Variants in GABRG3 observed in about 807,000 individuals in gnomAD.
GABRG3 encodes gamma-aminobutyric acid type A receptor subunit gamma3, also known as gamma-aminobutyric acid receptor subunit gamma-3.
Under a neutral mutation model 48.8 loss-of-function variants are expected in GABRG3, and 25 were observed. The ratio of observed to expected loss-of-function variants is 0.51; its 90% CI spans 0.37 to 0.72. The LOEUF (loss-of-function observed/expected upper bound fraction) is 0.72, where lower values mean the gene tolerates loss of function less well. GABRG3 is among the 30% of genes least tolerant of loss of function. GABRG3 has a pLI of 0.00. For missense variants in GABRG3, 394 were observed against 577.9 expected, an observed-to-expected ratio of 0.68 and a Z score of 3.26; for synonymous variants, 227 against 217.6, an observed-to-expected ratio of 1.04 and a Z score of -0.38.
intron 2 of GABRG3, among the ~76,000 whole-genome samples, chr15:27,009,759 A>G (rs913360677): frequency 1.3e-5 from 2 of 152,208 alleles, no homozygotes; most frequent in South Asian, 4.1e-4. Flanking sequence ...GTGATCACAC[A>G]TATGCCCCAG....
chr15:27,382,459 G>A (rs1895803634), intron 5 of GABRG3, among the ~76,000 whole-genome samples: 1 of 152,144 alleles, frequency 6.6e-6, no homozygotes, highest in African/African-American at 2.4e-5. Context: ...TTCTAAGGCA[G>A]AAAATACTCA....
chr15:27,392,034 T>TTAAAAATGA (rs1172423806), intron 5 of GABRG3, among the ~76,000 whole-genome samples: 1 of 152,232 alleles, frequency 6.6e-6, no homozygotes, highest in African/African-American at 2.4e-5. Flanking sequence ...TTTAAATTTT[T>TTAAAAATGA]TAAAAATGAT....
At chr15:27,173,926 A>C (rs1483034333) in intron 3 of GABRG3, among the ~76,000 whole-genome samples, 1 of 152,128 alleles carries the variant, frequency 6.6e-6, no homozygotes, top group Non-Finnish European at 1.5e-5. Flanking sequence ...TACAACATCA[A>C]AGAAAACAGT....
chr15:27,464,819 G>A (rs1889555165), intron 5 of GABRG3, among the ~76,000 whole-genome samples: 1 of 152,022 alleles, frequency 6.6e-6, no homozygotes, highest in African/African-American at 2.4e-5. Context: ...TCTTTGTATT[G>A]TTGACGTGTG....
chr15:27,008,207 A>G (rs968345206), intron 2 of GABRG3, among the ~76,000 whole-genome samples: 4 of 152,224 alleles, frequency 2.6e-5, no homozygotes, highest in African/African-American at 9.6e-5. Context: ...AGTGTTGAAA[A>G]TATGTAAGTA....
chr15:27,294,364 G>A (rs1891906428), intron 3 of GABRG3, among the ~76,000 whole-genome samples: 1 of 151,626 alleles, frequency 6.6e-6, no homozygotes, highest in African/African-American at 2.4e-5. Context: ...CCACAGGTGT[G>A]CACCACCACG....
At chr15:27,093,028 A>G (rs150005364) in intron 3 of GABRG3, among the ~76,000 whole-genome samples, 12 of 151,892 alleles carry the variant, frequency 7.9e-5, no homozygotes, top group Admixed American at 2.6e-4. Context: ...CAGTCACTGA[A>G]CCCTACCCCA....
intron 3 of GABRG3, among the ~76,000 whole-genome samples, chr15:27,170,002 GA>G (rs1356649377): frequency 6.6e-6 from 1 of 152,170 alleles, no homozygotes; most frequent in African/African-American, 2.4e-5. Context: ...ATAAAGGTCA[GA>G]TAAAGCTATT....
At chr15:27,003,429 C>G (rs369238463) in intron 2 of GABRG3, among the ~76,000 whole-genome samples, 28 of 151,068 alleles carry the variant, frequency 1.9e-4, no homozygotes, top group Middle Eastern at 3.4e-3. Flanking sequence ...TGACTCTTAA[C>G]GAGCATGCTG....
At chr15:27,444,485 T>C (rs1351406585) in intron 5 of GABRG3, among the ~76,000 whole-genome samples, 1 of 152,210 alleles carries the variant, frequency 6.6e-6, no homozygotes, top group Admixed American at 6.5e-5. Flanking sequence ...ATATATTTTT[T>C]ACCTTCACTG....
At chr15:27,514,213 G>C (rs1249908728) in intron 6 of GABRG3, among the ~76,000 whole-genome samples, 1 of 152,180 alleles carries the variant, frequency 6.6e-6, no homozygotes, top group Non-Finnish European at 1.5e-5. Flanking sequence ...TATTGTATTA[G>C]TTTTCCATTT....
At chr15:27,185,865 A>G (rs1297948201) in intron 3 of GABRG3, among the ~76,000 whole-genome samples, 1 of 152,070 alleles carries the variant, frequency 6.6e-6, no homozygotes, top group Non-Finnish European at 1.5e-5. Context: ...TTTTCTTAAA[A>G]TTAATTTTAT....
At chr15:27,483,136 G>A (rs913949173) in intron 6 of GABRG3, 1 of 152,170 alleles carries the variant, frequency 6.6e-6, no homozygotes, top group African/African-American at 2.4e-5. Context: ...CCAACTGTGT[G>A]GCTCAAACAA....
At chr15:27,281,741 T>C (rs1891441050) in intron 3 of GABRG3, among the ~76,000 whole-genome samples, 1 of 151,860 alleles carries the variant, frequency 6.6e-6, no homozygotes, top group Non-Finnish European at 1.5e-5. Context: ...ATACATAGGG[T>C]AATACAGCAG....
At chr15:27,290,529 C>G (rs1019375193) in intron 3 of GABRG3, among the ~76,000 whole-genome samples, 12 of 152,222 alleles carry the variant, frequency 7.9e-5, no homozygotes, top group African/African-American at 2.6e-4. Context: ...TGCTATGATA[C>G]GATGAGAGCA....
At chr15:27,156,635 G>C (rs1039770913) in intron 3 of GABRG3, among the ~76,000 whole-genome samples, 1 of 152,288 alleles carries the variant, frequency 6.6e-6, no homozygotes. Context: ...AGACAAGTAT[G>C]TCTCTTCCAT....
chr15:27,358,850 T>C (rs1009998809), intron 5 of GABRG3, among the ~76,000 whole-genome samples: 1 of 152,226 alleles, frequency 6.6e-6, no homozygotes, highest in African/African-American at 2.4e-5. Context: ...CTGTGTGCTC[T>C]GGGAGCTTGT....
chr15:27,124,475 A>G (rs1897783706), intron 3 of GABRG3, among the ~76,000 whole-genome samples: 1 of 152,164 alleles, frequency 6.6e-6, no homozygotes. Context: ...CCATGCAGGT[A>G]AGGCAGATGT....
At chr15:27,258,026 A>G (rs1890672507) in intron 3 of GABRG3, among the ~76,000 whole-genome samples, 1 of 152,168 alleles carries the variant, frequency 6.6e-6, no homozygotes, top group Non-Finnish European at 1.5e-5. Flanking sequence ...ATATTTAAAG[A>G]ACAATCAAGT....
Sources: gnomAD v4.1 joint callset for allele counts (sites outside exome capture counted in the v4.1 genomes callset) on GRCh38, gnomAD v4.1.1 for gene constraint, MANE v1.5 for transcripts, NCBI Gene and HGNC (gene_info 2026-07-23, HGNC 2026-07-21) for gene names.